CDCP2: variants seen among roughly 807,000 people sequenced by gnomAD.
CDCP2 encodes the protein CUB domain-containing protein 2.
A neutral mutation model predicts 31.0 loss-of-function variants in CDCP2; 31 were observed. The ratio of observed to expected loss-of-function variants is 1.00; its 90% CI spans 0.75 to 1.35. The LOEUF is 1.35. CDCP2 is among the 40% of genes most tolerant of loss of function. The pLI is 0.00. For missense variants in CDCP2, 443 were observed against 482.6 expected (o/e 0.92, Z 0.77); for synonymous variants, 206 against 207.9 (o/e 0.99, Z 0.08).
rs369982365 is a variant in CDCP2, at chr1:54,144,519, A to G, written c.374T>C (p.Phe125Ser). 7.5e-5 allele frequency: 121 copies of G among 1,607,960 alleles called. 3 individuals are homozygous for G. The South Asian group carries it at 1.3e-3, about 17-fold the overall frequency. The stretch of plus-strand genomic sequence containing the variant: ...GCTGGCCACATGCTTGTCCGAGTGG[A>G]AGATGACAGACATGACATGCCAGGA... Residue 125 changes from phenylalanine to serine, a missense_variant, in exon 2 of 6, where the codon TTC (phenylalanine) becomes TCC (serine). Coordinates refer to ENST00000530059, the Ensembl canonical transcript of CDCP2.
In CDCP2 at chr1:54,133,193, C is replaced by T. The variant is rs77959544; in HGVS notation, c.1398G>A (p.Arg466=). 207 of 399,148 alleles carry T rather than the reference C, an allele frequency of 5.2e-4. No homozygotes were observed. The East Asian group carries it at 7.4e-3, about 14-fold the overall frequency. The allele number at this position is 399,148 out of a possible 1,614,324, so 24.7% of individuals were successfully genotyped here. Residue 466 remains arginine, a synonymous_variant, in exon 6 of 6, where the codon CGG becomes CGA. Coordinates refer to ENST00000530059, the Ensembl canonical transcript of CDCP2. ...GCAGGTGGACAGAAGCCTCCTTGCG[C>T]CGTGGCTCACAGCGGACCTCGTACT...
At position 54,141,152 on chromosome 1, in the gene CDCP2, AG is replaced by A; in HGVS notation, c.708del (p.Phe237SerfsTer74). On this transcript the variant is annotated frameshift_variant, in exon 3 of 6. Transcript: ENST00000530059. LOFTEE classifies it high-confidence loss of function. ...CCTCCGATGTTGAAGTCGGACTTGA[AG>A]ACCACCTGCAGTTCGTGGCCCAGAG... 1 of 1,555,142 alleles carries A rather than the reference AG, an allele frequency of 6.4e-7. No individual in the cohort carries two copies. The highest frequency in any genetic ancestry group is 8.7e-7 in the Non-Finnish European group (1 of 1,151,722).
chr1:54,140,329 T>C, intron 3 of CDCP2: 1 of 585,450 alleles, frequency 1.7e-6, no homozygotes, highest in South Asian at 2.0e-5. Context: ...AAGCTGGGAC[T>C]TGCATTCCAG....
intron 5 of CDCP2, among the ~76,000 whole-genome samples, chr1:54,135,811 T>G (rs973332810): frequency 6.6e-6 from 1 of 151,936 alleles, no homozygotes; most frequent in South Asian, 2.1e-4. Context: ...GGCATACATG[T>G]GGCTAATGTT....
chr1:54,148,518 T>C (rs1659514823), intron 1 of CDCP2, among the ~76,000 whole-genome samples: 1 of 150,434 alleles, frequency 6.6e-6, no homozygotes, highest in African/African-American at 2.5e-5. Flanking sequence ...CACGGGCCAG[T>C]AAATCTCTTC....
chr1:54,144,772 A>C lies in CDCP2; in HGVS notation c.121T>G (p.Phe41Val), dbSNP rs777313754. The C allele has an allele frequency of 5.6e-6, 9 of 1,613,936 alleles. No homozygotes were observed. In the Admixed American group the frequency reaches 8.3e-5, roughly 15 times the overall value. ...AGTCTAGGGAAGTTGGGGCTGGAGA[A>C]GTTTCCAGAAGGTGCTGAGAGCACA... is the stretch of plus-strand genomic sequence containing the variant. Residue 41 changes from phenylalanine (F) to valine (V), a missense_variant, in exon 2 of 6, where the codon TTC (phenylalanine) becomes GTC (valine). Phe to Val is a conservative substitution (Grantham distance 50). Coordinates refer to ENST00000530059, the Ensembl canonical transcript of CDCP2.
intron 4 of CDCP2, 196 bp downstream of exon 4, chr1:54,139,557 C>T (rs754085790): frequency 1.2e-6 from 2 of 1,613,756 alleles, no homozygotes; most frequent in African/African-American, 2.7e-5. Flanking sequence ...ATAGTGGAAA[C>T]AAGCGGGAGC....
intron 4 of CDCP2, chr1:54,137,721 G>C (rs373614616): frequency 6.6e-6 from 1 of 152,426 alleles, no homozygotes; most frequent in South Asian, 2.1e-4. Context: ...GGGGGCAGGG[G>C]TGAGGATAGG....
chr1:54,150,902 G>C (rs773850261), intron 1 of CDCP2, among the ~76,000 whole-genome samples: 2 of 152,256 alleles, frequency 1.3e-5, no homozygotes, highest in Non-Finnish European at 2.9e-5. Context: ...TACCAGGCTT[G>C]TGCTGATTCA....
At position 54,141,254 on chromosome 1, in the gene CDCP2, C is replaced by T. The variant is rs772106262; in HGVS notation, c.607G>A (p.Val203Met). Residue 203 changes from valine to methionine, a missense_variant, in exon 3 of 6, where the codon GTG (valine) becomes ATG (methionine). Coordinates refer to ENST00000530059, the Ensembl canonical transcript of CDCP2. The stretch of plus-strand genomic sequence containing the variant: ...GGGCCAGGCCCCCCAAGCACAGCCA[C>T]GTAGTCATAGGTGCACTCTTCATTG... 4.3e-5 allele frequency: 70 copies of T among 1,614,096 alleles called. No individual in the cohort carries two copies. In the Admixed American group the frequency reaches 7.0e-4, roughly 16 times the overall value.
intron 4 of CDCP2, chr1:54,139,321 A>G: frequency 1.7e-6 from 1 of 575,882 alleles, no homozygotes; most frequent in Non-Finnish European, 3.1e-6. Flanking sequence ...AAAAACAAGC[A>G]CCATGTTTTC....
chr1:54,150,026 C>A (rs1049452814), intron 1 of CDCP2, among the ~76,000 whole-genome samples: 1 of 152,242 alleles, frequency 6.6e-6, no homozygotes, highest in East Asian at 1.9e-4. Flanking sequence ...AGACACTGCT[C>A]CCCTCCTTGC....
At chr1:54,152,981 C>A (rs1415599582), upstream of CDCP2, 2 of 1,533,364 alleles carry the variant, frequency 1.3e-6, no homozygotes, top group African/African-American at 1.4e-5. Flanking sequence ...ATCTCAGGGT[C>A]CGGAGCAAGG....
intron 1 of CDCP2, among the ~76,000 whole-genome samples, chr1:54,145,900 C>G (rs570015951): frequency 1.3e-5 from 2 of 152,200 alleles, no homozygotes; most frequent in East Asian, 3.9e-4. Context: ...ATATCCCAAA[C>G]TGAAACAAAT....
At chr1:54,150,321 G>A (rs780515) in intron 1 of CDCP2, among the ~76,000 whole-genome samples, 15,043 of 152,246 alleles carry the variant, frequency 0.099, 833 homozygotes, top group South Asian at 0.14. Flanking sequence ...ACGGCCAGGC[G>A]TGGTGGTTCA....
intron 2 of CDCP2, chr1:54,142,817 G>T (rs1659397500): frequency 6.6e-6 from 1 of 152,172 alleles, no homozygotes. Flanking sequence ...TGTGCCCTGG[G>T]GCTCCCCAGC....
chr1:54,149,530 C>G (rs191703546), intron 1 of CDCP2, among the ~76,000 whole-genome samples: 1 of 152,136 alleles, frequency 6.6e-6, no homozygotes, highest in Non-Finnish European at 1.5e-5. Context: ...AATTAAAAGT[C>G]AACAAAATAA....
chr1:54,144,502 C>T lies in CDCP2; in HGVS notation c.391G>A (p.Val131Met), dbSNP rs562542151. Reference sequence around the variant, plus strand: ...CCCGCAGAAAAGCCATGGCTGGCCACATGCTTGTCCGAGTGGAAGATGACA... The same window carrying T: ...CCCGCAGAAAAGCCATGGCTGGCCATATGCTTGTCCGAGTGGAAGATGACA... The change falls in exon 2 of 6, where the codon GTG (valine) becomes ATG (methionine). Residue 131 changes from valine (V) to methionine (M), a missense_variant. Physicochemically the swap from Val to Met is conservative, Grantham distance 21. Transcript: ENST00000530059. 9 of 1,597,186 alleles carry T rather than the reference C, an allele frequency of 5.6e-6. 1 individual carries two copies. The South Asian group carries it at 9.1e-5, about 16-fold the overall frequency.
chr1:54,148,073 G>A (rs1275640939), intron 1 of CDCP2, among the ~76,000 whole-genome samples: 1 of 151,564 alleles, frequency 6.6e-6, no homozygotes, highest in Non-Finnish European at 1.5e-5. Context: ...ATGAAATAAT[G>A]GATCCAGACA....
Sources: gnomAD v4.1 joint callset for allele counts (sites outside exome capture counted in the v4.1 genomes callset) on GRCh38, gnomAD v4.1.1 for gene constraint, MANE v1.5 for transcripts, NCBI Gene and HGNC (gene_info 2026-07-23, HGNC 2026-07-21) for gene names.